CHLSN: variants seen among roughly 807,000 people sequenced by gnomAD.
CHLSN encodes cholesin.
the CHLSN span, among the ~76,000 whole-genome samples, chr7:1,049,565 C>T: frequency 1.1e-4 from 17 of 152,300 alleles, 1 homozygote; most frequent in African/African-American, 3.8e-4. Flanking sequence ...CCTAGGAAGA[C>T]GGAGGGCGAG....
the CHLSN span, chr7:1,043,405 C>G: frequency 6.6e-6 from 1 of 152,250 alleles, no homozygotes; most frequent in Non-Finnish European, 1.5e-5. Context: ...TAACACTAAT[C>G]AATCGTGTCT....
chr7:1,023,174 G>C, the CHLSN span: 2 of 351,170 alleles, frequency 5.7e-6, no homozygotes, highest in Non-Finnish European at 1.1e-5. The surrounding 1 kb of genome is among the most constrained non-coding windows in gnomAD (Gnocchi z 5.0). Flanking sequence ...CAGCCACAGG[G>C]AGACACAGAC....
the CHLSN span, among the ~76,000 whole-genome samples, chr7:1,033,555 G>A: frequency 3.3e-5 from 5 of 149,670 alleles, no homozygotes; most frequent in East Asian, 2.0e-4. Flanking sequence ...GCGAAACTCC[G>A]TCTCAAAAAA....
chr7:1,136,623 A>T, the CHLSN span, among the ~76,000 whole-genome samples: 2 of 145,532 alleles, frequency 1.4e-5, no homozygotes, highest in East Asian at 2.0e-4. Flanking sequence ...TAAATATATA[A>T]AAATAAATAT....
the CHLSN span, among the ~76,000 whole-genome samples, chr7:1,011,420 C>T: frequency 2.2e-5 from 2 of 91,004 alleles, no homozygotes; most frequent in Admixed American, 1.1e-4. Flanking sequence ...CACCCACAGA[C>T]ACCCAGAAAC....
the CHLSN span, among the ~76,000 whole-genome samples, chr7:1,132,188 GAA>G: frequency 3.3e-5 from 5 of 152,178 alleles, no homozygotes; most frequent in African/African-American, 1.2e-4. Context: ...CGTGGCAAAA[GAA>G]AAAGAGATAA....
chr7:1,014,362 T>C, the CHLSN span, among the ~76,000 whole-genome samples: 3 of 152,164 alleles, frequency 2.0e-5, no homozygotes, highest in Non-Finnish European at 4.4e-5. Flanking sequence ...GAAATGACAC[T>C]AATTTGATTT....
At chr7:1,059,051 A>G in the CHLSN span, 60 of 174,212 alleles carry the variant, frequency 3.4e-4, no homozygotes, top group African/African-American at 1.4e-3. Context: ...AACATTTCAC[A>G]GAAGTGCCTG....
the CHLSN span, among the ~76,000 whole-genome samples, chr7:1,011,333 CACAT>C: frequency 2.7e-5 from 4 of 146,862 alleles, no homozygotes; most frequent in African/African-American, 1.0e-4. Flanking sequence ...GCCACACACC[CACAT>C]ACAACCACAC....
At chr7:1,017,413 C>T in the CHLSN span, among the ~76,000 whole-genome samples, 3 of 152,152 alleles carry the variant, frequency 2.0e-5, no homozygotes, top group African/African-American at 4.8e-5. Context: ...CTGGCCTGGA[C>T]CCCGTCCAGT....
the CHLSN span, chr7:987,158 C>T: frequency 5.7e-6 from 9 of 1,577,370 alleles, no homozygotes; most frequent in East Asian, 4.7e-5. Context: ...GGCCTGCACC[C>T]TGGACATGGT....
the CHLSN span, among the ~76,000 whole-genome samples, chr7:1,078,743 G>A: frequency 6.6e-6 from 1 of 152,236 alleles, no homozygotes; most frequent in Non-Finnish European, 1.5e-5. Context: ...CAGGCCATGT[G>A]CCCACCTGCC....
At chr7:1,112,958 A>C in the CHLSN span, among the ~76,000 whole-genome samples, 1 of 152,214 alleles carries the variant, frequency 6.6e-6, no homozygotes, top group Non-Finnish European at 1.5e-5. Context: ...CAAAGCCCAG[A>C]GATCCAAATG....
chr7:1,033,763 G>A, the CHLSN span, among the ~76,000 whole-genome samples: 295 of 152,192 alleles, frequency 1.9e-3, no homozygotes, highest in African/African-American at 6.6e-3. Context: ...GGTGCCTCCT[G>A]AGTGAGGTGA....
chr7:1,064,575 C>A, the CHLSN span, among the ~76,000 whole-genome samples: 1 of 152,214 alleles, frequency 6.6e-6, no homozygotes, highest in Non-Finnish European at 1.5e-5. Flanking sequence ...TGACCTCACA[C>A]AGGAGAACCG....
At chr7:1,092,872 T>A in the CHLSN span, 3 of 1,606,326 alleles carry the variant, frequency 1.9e-6, no homozygotes, top group Admixed American at 5.0e-5. Flanking sequence ...CTTGGCCGCA[T>A]AGGCCCAGCC....
At chr7:1,049,689 T>A in the CHLSN span, among the ~76,000 whole-genome samples, 1 of 152,176 alleles carries the variant, frequency 6.6e-6, no homozygotes, top group African/African-American at 2.4e-5. Context: ...CGAAGCCCTG[T>A]CTAACATTCC....
the CHLSN span, among the ~76,000 whole-genome samples, chr7:1,072,071 G>A: frequency 6.6e-6 from 1 of 152,116 alleles, no homozygotes; most frequent in Non-Finnish European, 1.5e-5. Flanking sequence ...AAGAGCCCTG[G>A]GCAAGGCATC....
At chr7:1,008,698 G>C in the CHLSN span, among the ~76,000 whole-genome samples, 1 of 152,148 alleles carries the variant, frequency 6.6e-6, no homozygotes, top group African/African-American at 2.4e-5. Flanking sequence ...CCCCTCTCCT[G>C]TAGGTGGAGG....
Sources: allele counts gnomAD v4.1 joint callset (sites outside exome capture counted in the v4.1 genomes callset), GRCh38; gene constraint gnomAD v4.1.1; non-coding constraint Gnocchi (gnomAD v3.1); transcripts MANE v1.5; gene names NCBI Gene and HGNC (gene_info 2026-07-23, HGNC 2026-07-21).